Variants in P2RY8 observed in about 807,000 individuals in gnomAD.
P2RY8 encodes the protein S-geranylgeranyl-glutathione receptor P2RY8.
P2RY8 carries 6 observed loss-of-function variants against 10.0 expected under a neutral mutation model. That is an observed-to-expected ratio of 0.60 (90% CI 0.33 to 1.19). The LOEUF (loss-of-function observed/expected upper bound fraction) is 1.19, where lower values mean the gene tolerates loss of function less well. Ranked by LOEUF, P2RY8 falls within the 50% of genes most tolerant of loss-of-function variation. The pLI, the probability that P2RY8 is intolerant of heterozygous loss-of-function variation, is 0.04. For synonymous variants in P2RY8, 276 were observed against 252.5 expected (o/e 1.09, Z -0.88); for missense variants, 456 against 542.0 (o/e 0.84, Z 1.58).
intron 1 of P2RY8, among the ~76,000 whole-genome samples, chrX:1,503,465 A>C (rs1197356607): frequency 1.3e-5 from 2 of 152,188 alleles, no homozygotes; most frequent in African/African-American, 4.8e-5. Flanking sequence ...TTTGTTACTT[A>C]AAATACAACT....
chrX:1,473,356 G>C (rs2091820626), intron 1 of P2RY8, among the ~76,000 whole-genome samples: 1 of 144,696 alleles, frequency 6.9e-6, no homozygotes, highest in South Asian at 2.3e-4. Context: ...ATGGTGGATG[G>C]GTTTCTGAAT....
Position 1,531,940 on chromosome X carries a change from A to C in P2RY8, c.-25+4981T>G, listed in dbSNP as rs558979040. Among the ~76,000 whole-genome samples the C allele has an allele frequency of 2.6e-4, 39 of 152,298 alleles. 1 individual carries two copies. The highest frequency in any genetic ancestry group is 8.2e-4 in the African/African-American group (34 of 41,572). On this transcript the variant is annotated intron_variant, in intron 1 of 1. Coordinates refer to ENST00000381297, the MANE Select transcript of P2RY8 (RefSeq NM_178129.5). ...CTAGTGTGGATGTGGCGAACAGGGA[A>C]CACGTCTGCACTGCTGGTGGGAACG...
intron 1 of P2RY8, among the ~76,000 whole-genome samples, chrX:1,530,137 GTATGTATGTATGTATGTATGATCTATC>G (rs1158141922): frequency 1.9e-4 from 1 of 5,158 alleles, no homozygotes; most frequent in Admixed American, 7.5e-3. Context: ...ATGTATGTAT[GTATGTATGTATGTATGTATGATCTATC>G]TATCTATCTA....
chrX:1,514,349 CCTTTTA>C (rs1447751583), intron 1 of P2RY8, among the ~76,000 whole-genome samples: 9 of 147,182 alleles, frequency 6.1e-5, no homozygotes, highest in African/African-American at 2.4e-4. Flanking sequence ...CCTTCCCTTC[CCTTTTA>C]TTTTCCTTTT....
intron 1 of P2RY8, among the ~76,000 whole-genome samples, chrX:1,481,235 G>A (rs191950616): frequency 9.2e-5 from 14 of 151,878 alleles, no homozygotes; most frequent in African/African-American, 3.1e-4. Context: ...ATGGCACAAC[G>A]TCGGCTCCCT....
chrX:1,503,989 C>T (rs1380868868), intron 1 of P2RY8, among the ~76,000 whole-genome samples: 4 of 152,078 alleles, frequency 2.6e-5, no homozygotes, highest in Non-Finnish European at 5.9e-5. Flanking sequence ...GGCAATTATC[C>T]ACTTAAATAA....
intron 1 of P2RY8, among the ~76,000 whole-genome samples, chrX:1,497,613 G>A (rs765010074): frequency 8.6e-5 from 13 of 150,906 alleles, no homozygotes; most frequent in Non-Finnish European, 1.3e-4. Context: ...AGCCGAGACC[G>A]TGCCACGGCA....
intron 1 of P2RY8, among the ~76,000 whole-genome samples, chrX:1,472,240 G>A (rs1292683848): frequency 6.7e-6 from 1 of 150,154 alleles, no homozygotes; most frequent in Non-Finnish European, 1.5e-5. Flanking sequence ...AGAGTAGGGA[G>A]AGGCCCTAAT....
intron 1 of P2RY8, among the ~76,000 whole-genome samples, chrX:1,480,071 T>C (rs2091917217): frequency 6.6e-6 from 1 of 152,162 alleles, no homozygotes; most frequent in South Asian, 2.1e-4. Flanking sequence ...GAAGAAATTA[T>C]ATTGATTCTC....
rs1255786620 is a variant in P2RY8 at position 1,464,641 on chromosome X, G to C, written c.*838C>G. ...CTGGGCCTCCCGTGGTCCTTGTCCT[G>C]AGTCAGGGAAGCCTGAGTGTGTTCC... On this transcript the variant is annotated 3_prime_UTR_variant, in exon 2 of 2. Coordinates refer to ENST00000381297, the MANE Select transcript of P2RY8 (RefSeq NM_178129.5). 1.3e-5 allele frequency: 3 copies of C among 233,318 alleles called. No individual in the cohort carries two copies. The highest frequency in any genetic ancestry group is 5.6e-5 in the Admixed American group (1 of 17,764). The allele number at this position is 233,318 out of a possible 1,614,324, so 14.5% of individuals were successfully genotyped here.
chrX:1,466,641 C>T (rs767016460), intron 1 of P2RY8, 59 bp from the exon 2 acceptor site: 1 of 1,492,150 alleles, frequency 6.7e-7, no homozygotes, highest in South Asian at 1.3e-5. Context: ...AGGCGGCTGC[C>T]GGGAGGGCTC....
rs1231360384 is a variant in P2RY8, at chrX:1,531,068, G to GTCTA, written c.-25+5849_-25+5852dup. On this transcript the variant is annotated intron_variant, in intron 1 of 1. Transcript: ENST00000381297. ...ATTCTATCTATCTGTCTGTCTGTCT[G>GTCTA]TCTATCTATCTATCTATCTATCTAT... Among the ~76,000 whole-genome samples, 81 of 149,926 alleles carry GTCTA rather than the reference G, an allele frequency of 5.4e-4. 1 individual carries two copies. The highest frequency in any genetic ancestry group is 1.6e-3 in the African/African-American group (66 of 40,416).
intron 1 of P2RY8, among the ~76,000 whole-genome samples, chrX:1,531,140 C>T (rs2092472845): frequency 1.3e-5 from 2 of 152,048 alleles, no homozygotes; most frequent in Admixed American, 1.3e-4. Context: ...GATAGATGAG[C>T]AAGTGATTTT....
chrX:1,487,662 G>A (rs1261686461), intron 1 of P2RY8, among the ~76,000 whole-genome samples: 2 of 152,090 alleles, frequency 1.3e-5, no homozygotes, highest in African/African-American at 2.4e-5. Flanking sequence ...GGGATTTCAG[G>A]GACCATACTG....
At chrX:1,514,858 TCCCC>T (rs1569538377) in intron 1 of P2RY8, among the ~76,000 whole-genome samples, 5 of 2,198 alleles carry the variant, frequency 2.3e-3, no homozygotes, top group Admixed American at 8.3e-3. Flanking sequence ...TCCCTCCCCC[TCCCC>T]CTCCCCTTCC....
intron 1 of P2RY8, among the ~76,000 whole-genome samples, chrX:1,517,979 C>T (rs112255790): frequency 0.77 from 116,697 of 150,854 alleles, 45,330 homozygotes; most frequent in East Asian, 0.97. Context: ...CGTGGTGGTG[C>T]GCACCTGTAA....
chrX:1,479,953 G>C (rs1202584949), intron 1 of P2RY8, among the ~76,000 whole-genome samples: 14 of 152,324 alleles, frequency 9.2e-5, no homozygotes, highest in African/African-American at 3.1e-4. Flanking sequence ...GCCAATCTGA[G>C]TGAGCCTATA....
At chrX:1,468,731 CTCTCT>C (rs2091728586) in intron 1 of P2RY8, among the ~76,000 whole-genome samples, 1 of 83,860 alleles carries the variant, frequency 1.2e-5, no homozygotes, top group African/African-American at 4.3e-5. Context: ...CCCTCCTCTC[CTCTCT>C]CCTCTCTCCT....
rs1350701464 is a variant in P2RY8, at chrX:1,532,549, A to G, written c.-25+4372T>C. ...GTATATATATATACATATACTTATG[A>G]TGGAATACTACTCAGTCATGAAAAA... is the stretch of plus-strand genomic sequence containing the variant. On this transcript the variant is annotated intron_variant, in intron 1 of 1. Coordinates refer to ENST00000381297, the MANE Select transcript of P2RY8 (RefSeq NM_178129.5). Among the ~76,000 whole-genome samples the G allele has an allele frequency of 2.4e-4, 36 of 151,662 alleles. 1 individual carries two copies. The highest frequency in any genetic ancestry group is 4.9e-4 in the Non-Finnish European group (33 of 67,944).
Sources: gnomAD v4.1 joint callset for allele counts (sites outside exome capture counted in the v4.1 genomes callset) on GRCh38, gnomAD v4.1.1 for gene constraint, MANE v1.5 for transcripts, NCBI Gene and HGNC (gene_info 2026-07-23, HGNC 2026-07-21) for gene names.